Variants in HDAC9 observed in about 807,000 individuals in gnomAD.
The protein encoded by HDAC9 is histone deacetylase 9.
HDAC9 carries 41 observed loss-of-function variants against 139.4 expected under a neutral mutation model. The ratio of observed to expected loss-of-function variants is 0.29; its 90% CI spans 0.23 to 0.38. The LOEUF (loss-of-function observed/expected upper bound fraction) is 0.38. HDAC9 is among the 10% of genes least tolerant of loss of function. The pLI is 1.00. For missense variants in HDAC9, 1,147 were observed against 1,297.0 expected, an observed-to-expected ratio of 0.88 and a Z score of 1.78; for synonymous variants, 517 against 476.2, an observed-to-expected ratio of 1.09 and a Z score of -1.12.
chr7:18,846,061 T>A (rs1796883984), intron 21 of HDAC9, among the ~76,000 whole-genome samples: 1 of 152,212 alleles, frequency 6.6e-6, no homozygotes, highest in East Asian at 1.9e-4. Flanking sequence ...AAGTTCTTCA[T>A]GTCCTCCCTC....
chr7:18,139,709 G>T (rs1316034756), intron 1 of HDAC9, among the ~76,000 whole-genome samples: 3 of 152,122 alleles, frequency 2.0e-5, no homozygotes, highest in Non-Finnish European at 4.4e-5. Context: ...AAGGCAGGGA[G>T]ATTACTCTGA....
At chr7:18,833,452 A>G (rs964996473) in intron 19 of HDAC9, among the ~76,000 whole-genome samples, 17 of 152,234 alleles carry the variant, frequency 1.1e-4, no homozygotes, top group Non-Finnish European at 4.4e-5. Context: ...GATTAAAATT[A>G]CTATTGTATA....
At chr7:18,540,810 G>A (rs1020615283) in intron 2 of HDAC9, among the ~76,000 whole-genome samples, 6 of 152,170 alleles carry the variant, frequency 3.9e-5, no homozygotes, top group Non-Finnish European at 8.8e-5. Flanking sequence ...TAGTTCAAAA[G>A]TATATTAAAA....
chr7:18,921,711 A>G (rs979575952), intron 22 of HDAC9, among the ~76,000 whole-genome samples: 38 of 152,298 alleles, frequency 2.5e-4, no homozygotes, highest in Middle Eastern at 6.8e-3. Context: ...CATTTGACCC[A>G]GCCATCCCAT....
intron 1 of HDAC9, among the ~76,000 whole-genome samples, chr7:18,100,051 T>G (rs1782748814): frequency 6.6e-6 from 1 of 152,192 alleles, no homozygotes; most frequent in South Asian, 2.1e-4. Flanking sequence ...GCTTTTGTAT[T>G]TCTGAAAATG....
chr7:18,584,133 C>T (rs532442088), intron 2 of HDAC9, among the ~76,000 whole-genome samples: 2 of 131,862 alleles, frequency 1.5e-5, no homozygotes, highest in South Asian at 5.1e-4. Flanking sequence ...CTTTAGAAAG[C>T]AGCATTCTTT....
intron 13 of HDAC9, among the ~76,000 whole-genome samples, chr7:18,738,964 T>C (rs938336725): frequency 1.3e-5 from 2 of 152,214 alleles, no homozygotes; most frequent in Middle Eastern, 3.2e-3. Flanking sequence ...CATTTCTTTT[T>C]ACTCTTTTTT....
chr7:18,387,954 G>GA (rs1786097751), intron 1 of HDAC9, among the ~76,000 whole-genome samples: 1 of 148,884 alleles, frequency 6.7e-6, no homozygotes, highest in African/African-American at 2.5e-5. Context: ...AAAAAAAAAA[G>GA]AAAAAAGCTT....
chr7:18,673,676 G>T (rs1012803309), intron 12 of HDAC9, among the ~76,000 whole-genome samples: 1 of 151,884 alleles, frequency 6.6e-6, no homozygotes, highest in Non-Finnish European at 1.5e-5. Flanking sequence ...GCTTTAGATC[G>T]TCTTCATCTC....
In HDAC9 at chr7:18,306,629, T is replaced by C. The variant is rs140516416; in HGVS notation, c.-42+16114T>C. Among the ~76,000 whole-genome samples, 370 of 152,308 alleles carry C rather than the reference T, an allele frequency of 2.4e-3. 3 individuals are homozygous for C. The highest frequency in any genetic ancestry group is 8.5e-3 in the African/African-American group (355 of 41,574). ...CAAGTGGTGCTATTCGTGCTGCTGG[T>C]AATTACTTTTCTTCAACGCCTTTTG... On this transcript the variant is annotated intron_variant, in intron 1 of 3. Coordinates refer to the HDAC9 transcript ENST00000413509.
chr7:18,924,296 T>TG (rs1160142542), intron 22 of HDAC9, among the ~76,000 whole-genome samples: 2 of 152,132 alleles, frequency 1.3e-5, no homozygotes, highest in African/African-American at 4.8e-5. Flanking sequence ...TAGAAGCTTA[T>TG]ATACTATGGA....
intron 8 of HDAC9, among the ~76,000 whole-genome samples, chr7:18,640,418 A>G (rs372506094): frequency 4.6e-5 from 7 of 150,646 alleles, no homozygotes; most frequent in Admixed American, 1.3e-4. Context: ...CATAACTAGT[A>G]TAACTAGCAT....
At chr7:18,398,924 T>C (rs1245504201) in intron 1 of HDAC9, among the ~76,000 whole-genome samples, 2 of 152,100 alleles carry the variant, frequency 1.3e-5, no homozygotes, top group South Asian at 4.2e-4. Context: ...CCAGAGGTGG[T>C]GTCACAGGAG....
chr7:18,652,451 A>G (rs954563835), intron 11 of HDAC9, among the ~76,000 whole-genome samples: 3 of 152,154 alleles, frequency 2.0e-5, no homozygotes, highest in Non-Finnish European at 4.4e-5. Flanking sequence ...TTGTTTAGAC[A>G]TACTGATGAT....
rs371122947 is a variant in HDAC9 at position 18,670,865 on chromosome 7, CT to C, written c.1731+4401del. On this transcript the variant is annotated intron_variant, in intron 12 of 25. Transcript: ENST00000686413. ...AATTGTGAGATTAGTGATTAGTACT[CT>C]TTTTTTTTTTTCTAATTCTAATGAG... Among the ~76,000 whole-genome samples, 694 of 146,132 alleles carry C rather than the reference CT, an allele frequency of 4.7e-3. 3 individuals are homozygous for C. The highest frequency in any genetic ancestry group is 0.014 in the Middle Eastern group (4 of 282).
intron 8 of HDAC9, among the ~76,000 whole-genome samples, chr7:18,635,770 T>C (rs1783696663): frequency 6.6e-6 from 1 of 152,104 alleles, no homozygotes; most frequent in South Asian, 2.1e-4. Context: ...GTCAAGTCTC[T>C]TATTCTTGGA....
At chr7:18,457,348 G>A (rs543323346) in intron 1 of HDAC9, among the ~76,000 whole-genome samples, 54 of 152,068 alleles carry the variant, frequency 3.6e-4, no homozygotes, top group African/African-American at 9.2e-4. Context: ...TAACTGAAAG[G>A]GAAATTGCTT....
At position 18,629,454 on chromosome 7, in the gene HDAC9, T is replaced by C. The variant is rs774917257; in HGVS notation, c.769T>C (p.Phe257Leu). 1 of 1,612,396 alleles carries C rather than the reference T, an allele frequency of 6.2e-7. No individual in the cohort carries two copies. Among genetic ancestry groups the C allele is most frequent in the Non-Finnish European group, 8.5e-7 (1 of 1,178,970 alleles). The change falls in exon 7 of 26, where the codon TTC becomes CTC. Residue 257 changes from phenylalanine (F) to leucine (L), a missense_variant. By Grantham distance (22) the Phe-to-Leu change is conservative (BLOSUM62 0). This residue lies in a region of HDAC9 where 264 missense variants were observed against 273.8 expected (regional missense o/e 0.96). Transcript: ENST00000686413. Reference protein sequence around the residue: ...RRKDGNVVTSFKKRMFEVTES... With the variant: ...RRKDGNVVTSLKKRMFEVTES... ...GAAGGATGGAAATGTTGTCACTTCA[T>C]TCAAGAAGCGAATGTTTGAGGTGAC...
chr7:18,476,023 C>G (rs1263848201), intron 1 of HDAC9, among the ~76,000 whole-genome samples: 3 of 152,152 alleles, frequency 2.0e-5, no homozygotes, highest in Non-Finnish European at 4.4e-5. Context: ...GTTTATAAGG[C>G]AGACCTCTTA....
Sources: gnomAD v4.1 joint callset for allele counts (sites outside exome capture counted in the v4.1 genomes callset) on GRCh38, gnomAD v4.1.1 for gene constraint, gnomAD v4.1.1 regional missense constraint, MANE v1.5 for transcripts, NCBI Gene and HGNC (gene_info 2026-07-23, HGNC 2026-07-21) for gene names.